The following PATJ variants were observed in gnomAD, a reference collection of about 807,000 sequenced individuals.
PATJ encodes the protein PATJ crumbs cell polarity complex component, also known as inaD-like protein.
In PATJ, 190 loss-of-function variants were observed where a neutral mutation model predicts 224.9. The ratio of observed to expected loss-of-function variants is 0.84; its 90% confidence interval spans 0.75 to 0.95. The LOEUF (loss-of-function observed/expected upper bound fraction) is 0.95, where lower values mean the gene tolerates loss of function less well. PATJ is among the 40% of genes least tolerant of loss of function. PATJ has a pLI of 0.00. For synonymous variants in PATJ, 769 were observed against 820.3 expected (o/e 0.94, Z 1.07); for missense variants, 2,121 against 2,270.3 (o/e 0.93, Z 1.34).
chr1:61,836,320 C>G (rs1377137671), intron 17 of PATJ, among the ~76,000 whole-genome samples: 1 of 152,188 alleles, frequency 6.6e-6, no homozygotes, highest in African/African-American at 2.4e-5. Context: ...CAGCAGCACA[C>G]ATACTGACAT....
intron 14 of PATJ, among the ~76,000 whole-genome samples, chr1:61,811,742 T>C (rs1258095850): frequency 1.3e-5 from 2 of 148,266 alleles, no homozygotes; most frequent in Non-Finnish European, 3.0e-5. Flanking sequence ...ACATTATAAT[T>C]CTCCAGCTAA....
intron 27 of PATJ, among the ~76,000 whole-genome samples, chr1:61,962,386 T>G (rs981224596): frequency 6.6e-6 from 1 of 152,258 alleles, no homozygotes; most frequent in African/African-American, 2.4e-5. Flanking sequence ...CTATATGTCC[T>G]TCTGTCTCGA....
chr1:62,032,269 C>G (rs867323354), intron 29 of PATJ, among the ~76,000 whole-genome samples: 1 of 152,088 alleles, frequency 6.6e-6, no homozygotes, highest in Admixed American at 6.6e-5. Context: ...TCAGGAAGCC[C>G]CCTCCATCCT....
At chr1:61,762,984 A>G (rs765825082) in intron 2 of PATJ, 29 bp from the exon 3 acceptor site, 1 of 1,583,542 alleles carries the variant, frequency 6.3e-7, no homozygotes, top group Non-Finnish European at 8.6e-7. Flanking sequence ...GGACTTAACT[A>G]TTACTCTACT....
At chr1:61,898,495 C>T (rs2149144911) in intron 22 of PATJ, among the ~76,000 whole-genome samples, 1 of 152,188 alleles carries the variant, frequency 6.6e-6, no homozygotes, top group South Asian at 2.1e-4. Flanking sequence ...GCCTTGACCT[C>T]CCGAAGCACT....
At chr1:61,757,080 CT>C (rs55788991) in intron 1 of PATJ, among the ~76,000 whole-genome samples, 30 of 129,170 alleles carry the variant, frequency 2.3e-4, no homozygotes, top group Admixed American at 1.0e-3. Flanking sequence ...GTCACTTTTA[CT>C]TTTTTTTTTT....
At chr1:61,840,828 G>A (rs978401096) in intron 17 of PATJ, among the ~76,000 whole-genome samples, 7 of 151,848 alleles carry the variant, frequency 4.6e-5, no homozygotes, top group African/African-American at 1.7e-4. Flanking sequence ...TTTAAATTTT[G>A]GTACATATTT....
intron 27 of PATJ, among the ~76,000 whole-genome samples, chr1:61,945,027 A>G (rs964838156): frequency 3.3e-5 from 5 of 152,156 alleles, no homozygotes; most frequent in East Asian, 1.9e-4. Context: ...AACAAATGCT[A>G]AGAGATTTTG....
At chr1:61,991,194 G>GATA (rs1247622149) in intron 28 of PATJ, among the ~76,000 whole-genome samples, 4 of 108,100 alleles carry the variant, frequency 3.7e-5, no homozygotes, top group South Asian at 3.2e-4. Context: ...TGATGATGAT[G>GATA]ATGATGATGA....
intron 3 of PATJ, among the ~76,000 whole-genome samples, chr1:61,764,533 C>A (rs998169121): frequency 6.6e-6 from 1 of 151,650 alleles, no homozygotes. Context: ...ATCACCTATT[C>A]TGGAAGCTGA....
chr1:61,814,543 T>TGCGCGC (rs1444580435), intron 14 of PATJ, among the ~76,000 whole-genome samples: 1 of 138,786 alleles, frequency 7.2e-6, no homozygotes, highest in African/African-American at 2.9e-5. Flanking sequence ...TGTGTGTGTG[T>TGCGCGC]GTGTGCGCGC....
chr1:61,881,406 TA>T (rs373520386), intron 21 of PATJ, among the ~76,000 whole-genome samples: 92 of 87,040 alleles, frequency 1.1e-3, no homozygotes, highest in Admixed American at 3.0e-3. Context: ...TTAAAACAGT[TA>T]TTTTTTTTTT....
At chr1:62,139,765 T>C (rs950536090) in intron 41 of PATJ, among the ~76,000 whole-genome samples, 1 of 151,534 alleles carries the variant, frequency 6.6e-6, no homozygotes, top group Admixed American at 6.6e-5. Flanking sequence ...CTTTTTTTTT[T>C]TTCTTTTTTT....
intron 22 of PATJ, among the ~76,000 whole-genome samples, chr1:61,888,928 T>A (rs1669232246): frequency 6.6e-6 from 1 of 152,236 alleles, no homozygotes; most frequent in Non-Finnish European, 1.5e-5. Context: ...ACTTGAAAGT[T>A]GTTTTTTTGG....
chr1:62,136,015 ATTTTTTTTT>A (rs374594803), intron 41 of PATJ, among the ~76,000 whole-genome samples: 13 of 63,902 alleles, frequency 2.0e-4, no homozygotes, highest in South Asian at 7.9e-4. Context: ...AGACCATTAG[ATTTTTTTTT>A]TTTTTTTTTT....
intron 28 of PATJ, among the ~76,000 whole-genome samples, chr1:62,005,715 A>G (rs1197968950): frequency 1.1e-4 from 16 of 152,114 alleles, no homozygotes; most frequent in African/African-American, 4.8e-5. Context: ...ACAGTGAGCT[A>G]TGATTGTGCC....
intron 40 of PATJ, chr1:62,128,605 G>A (rs192112945): frequency 1.2e-3 from 562 of 479,390 alleles, no homozygotes; most frequent in South Asian, 2.4e-3. Flanking sequence ...TACAAAAATG[G>A]CCTACTGTGC....
In PATJ at chr1:61,771,604, A is replaced by G. The variant is rs1158290710; in HGVS notation, c.698A>G (p.Asn233Ser). The change falls in exon 6 of 44, where the codon AAT (asparagine) becomes AGT (serine). Residue 233 changes from asparagine (N) to serine (S), a missense_variant. Transcript: ENST00000642238. ...HTKSSTSSSLNDTTLPETVCW... is the reference protein window; with the variant it reads ...HTKSSTSSSLSDTTLPETVCW... The stretch of plus-strand genomic sequence containing the variant: ...AAAAGCAGTACTTCTAGCAGCCTAA[A>G]TGATACAACTCTGCCTGAAACAGTG... 7.5e-6 allele frequency: 12 copies of G among 1,599,180 alleles called. No individual in the cohort carries two copies. The highest frequency in any genetic ancestry group is 3.6e-5 in the Admixed American group (2 of 55,588).
chr1:61,756,563 CTTTTTTTTTT>C (rs370667808), intron 1 of PATJ, among the ~76,000 whole-genome samples: 25 of 65,622 alleles, frequency 3.8e-4, no homozygotes, highest in Non-Finnish European at 4.8e-4. Flanking sequence ...AACCAGGACA[CTTTTTTTTTT>C]TTTTTTTTTT....
Sources: allele counts gnomAD v4.1 joint callset (sites outside exome capture counted in the v4.1 genomes callset), GRCh38; gene constraint gnomAD v4.1.1; transcripts MANE v1.5; gene names NCBI Gene and HGNC (gene_info 2026-07-23, HGNC 2026-07-21).